The following ARL6IP1 variants were observed in gnomAD, a reference collection of about 807,000 sequenced individuals.
ARL6IP1 encodes ARL6 interacting reticulophagy regulator 1.
ARL6IP1 carries 16 observed loss-of-function variants against 30.1 expected under a neutral mutation model. The ratio of observed to expected loss-of-function variants is 0.53; its 90% CI spans 0.36 to 0.81. ARL6IP1 has a LOEUF of 0.81. Among genes scored for constraint, ARL6IP1 ranks in the 30% least tolerant of loss-of-function variants. The pLI, the probability that ARL6IP1 is intolerant of heterozygous loss-of-function variation, is 0.01. For missense variants in ARL6IP1, 173 were observed against 242.7 expected (o/e 0.71, Z 1.91); for synonymous variants, 72 against 84.8 (o/e 0.85, Z 0.83).
Position 18,794,610 on chromosome 16 carries a change from G to A in ARL6IP1, c.482C>T (p.Thr161Ile). The change falls in exon 5 of 6, where the codon ACC becomes ATC. Residue 161 changes from threonine (T) to isoleucine (I), a missense_variant. Physicochemically the swap from Thr to Ile is moderately conservative, Grantham distance 89. Coordinates refer to ENST00000304414, the MANE Select transcript of ARL6IP1 (RefSeq NM_015161.3). Reference protein sequence around the residue: ...VGQQVHNLLLTYLIVTSLLLL... With the variant: ...VGQQVHNLLLIYLIVTSLLLL... The stretch of plus-strand genomic sequence containing the variant: ...CCTCAAAGACTTACCTATCAGGTAG[G>A]TGAGAAGCAGGTTGTGGACTTGTTG... The A allele has an allele frequency of 6.2e-7, 1 of 1,613,174 alleles. No individual in the cohort carries two copies. Among genetic ancestry groups the A allele is most frequent in the South Asian group, 1.1e-5 (1 of 91,024 alleles).
In ARL6IP1 at chr16:18,791,946, T is replaced by C. The variant is rs1596942066; in HGVS notation, c.*1306A>G. ...AACACTTATTTAATAGGGACAGATA[T>C]ACCACAAGGTACAACATCAGTGCAA... On this transcript the variant is annotated 3_prime_UTR_variant, in exon 6 of 6. Transcript: ENST00000304414. 6.5e-6 allele frequency: 1 copy of C among 152,780 alleles called. No individual in the cohort carries two copies. The highest frequency in any genetic ancestry group is 1.5e-5 in the Non-Finnish European group (1 of 68,034). 9.5% of individuals were successfully genotyped at this position (152,780 alleles called of 1,614,324 possible).
chr16:18,801,138 C>T, intron 1 of ARL6IP1: 1 of 1,336,324 alleles, frequency 7.5e-7, no homozygotes, highest in Non-Finnish European at 9.6e-7. Context: ...CTTCTGCCCC[C>T]ACCCGCACCC....
intron 3 of ARL6IP1, among the ~76,000 whole-genome samples, chr16:18,796,962 T>A (rs972866434): frequency 6.6e-6 from 1 of 152,182 alleles, no homozygotes; most frequent in African/African-American, 2.4e-5. Context: ...GAAGAAAATA[T>A]CTATTCCAAC....
rs748647898 is a variant in ARL6IP1 at position 18,798,008 on chromosome 16, G to A, written c.207C>T (p.Gly69=). Residue 69 remains glycine, a synonymous_variant, in exon 3 of 6, where the codon GGC becomes GGT. Coordinates refer to ENST00000304414, the MANE Select transcript of ARL6IP1 (RefSeq NM_015161.3). ...IYYLDPSVLS[G]VSCFVMFLCL... ...ACAAAAACATAACAAAACAGGAAAC[G>A]CCGGACAGAACAGATGGATCTAGAT... 19 of 1,613,480 alleles carry A rather than the reference G, an allele frequency of 1.2e-5. No homozygotes were observed. The highest frequency in any genetic ancestry group is 2.2e-5 in the East Asian group (1 of 44,844).
chr16:18,794,785 G>A, intron 4 of ARL6IP1, 102 bp from the exon 5 acceptor site: 3 of 796,028 alleles, frequency 3.8e-6, no homozygotes, highest in South Asian at 2.0e-5. Flanking sequence ...TCAAAGTTCG[G>A]GAAATAATTT....
chr16:18,798,453 AGAG>A (rs2030309591), intron 2 of ARL6IP1: 4 of 426,066 alleles, frequency 9.4e-6, no homozygotes, highest in African/African-American at 8.1e-5. Context: ...TAACAAAAAA[AGAG>A]TTTAAGTGTC....
In ARL6IP1 at chr16:18,798,788, T is replaced by A; in HGVS notation, c.83A>T (p.Glu28Val). ...GACTTTATCAGCCATCAGCATCACTTCTCCCCATCCTTGCAGCTGTTCTTC... is the reference window on the plus strand; with the variant it reads ...GACTTTATCAGCCATCAGCATCACTACTCCCCATCCTTGCAGCTGTTCTTC... ...SLEEQLQGWG[E>V]VMLMADKVLR... is the part of the protein sequence containing the mutation. The change falls in exon 2 of 6, where the codon GAA becomes GTA. Residue 28 changes from glutamate (E) to valine (V), a missense_variant. Glu to Val is a moderately radical substitution (Grantham distance 121). Coordinates refer to ENST00000304414, the MANE Select transcript of ARL6IP1 (RefSeq NM_015161.3). 1 of 1,614,132 alleles carries A rather than the reference T, an allele frequency of 6.2e-7. No homozygotes were observed. Among genetic ancestry groups the A allele is most frequent in the African/African-American group, 1.3e-5 (1 of 75,044 alleles).
intron 1 of ARL6IP1, among the ~76,000 whole-genome samples, chr16:18,800,901 A>C (rs967444378): frequency 1.3e-5 from 2 of 150,988 alleles, no homozygotes; most frequent in African/African-American, 4.9e-5. Flanking sequence ...TTGTCTGTTC[A>C]GCTGGACCCC....
intron 5 of ARL6IP1, among the ~76,000 whole-genome samples, chr16:18,794,028 T>C (rs2030155538): frequency 6.6e-6 from 1 of 152,166 alleles, no homozygotes. Context: ...CTCAGCTCAC[T>C]GTAACCTCCA....
chr16:18,793,508 C>G (rs372023466), intron 5 of ARL6IP1, 138 bp from the exon 6 acceptor site: 4 of 527,150 alleles, frequency 7.6e-6, no homozygotes, highest in African/African-American at 2.0e-5. Context: ...CTTGGCTCAC[C>G]GCAACCTCCG....
Position 18,794,597 on chromosome 16 carries a change from AC to A in ARL6IP1, c.493+1del, listed in dbSNP as rs1188590544. On this transcript the variant is annotated splice_donor_variant, in intron 5 of 5. Coordinates refer to ENST00000304414, the MANE Select transcript of ARL6IP1 (RefSeq NM_015161.3). LOFTEE classifies it high-confidence loss of function. ...GCCTGTAGTTTTTCCTCAAAGACTT[AC>A]CTATCAGGTAGGTGAGAAGCAGGTT... 2 of 1,611,846 alleles carry A rather than the reference AC, an allele frequency of 1.2e-6. No homozygotes were observed. Among genetic ancestry groups the A allele is most frequent in the Non-Finnish European group, 1.7e-6 (2 of 1,178,564 alleles).
At chr16:18,798,082 CATT>C in intron 2 of ARL6IP1, 38 bp from the exon 3 acceptor site, 2 of 1,530,378 alleles carry the variant, frequency 1.3e-6, no homozygotes, top group Non-Finnish European at 8.8e-7. Flanking sequence ...AAAACATAGT[CATT>C]ATTATTCCTA....
intron 5 of ARL6IP1, 119 bp downstream of exon 5, chr16:18,794,480 T>A (rs567620869): frequency 1.5e-6 from 1 of 646,298 alleles, no homozygotes; most frequent in African/African-American, 1.8e-5. Flanking sequence ...AATCTTTCCA[T>A]ATTCCCACAG....
In ARL6IP1 at chr16:18,797,926, A is replaced by G; in HGVS notation, c.289T>C (p.Trp97Arg). 1.2e-6 allele frequency: 2 copies of G among 1,610,320 alleles called. No homozygotes were observed. Among genetic ancestry groups the G allele is most frequent in the Non-Finnish European group, 1.7e-6 (2 of 1,179,024 alleles). The change falls in exon 3 of 6, where the codon TGG (tryptophan) becomes CGG (arginine). Residue 97 changes from tryptophan (W) to arginine (R), a missense_variant and splice_region_variant. Physicochemically the swap from Trp to Arg is moderately radical, Grantham distance 101. Transcript: ENST00000304414. ...CTGCCAAATCATTATGCTACCTACC[A>G]TTTATTGGAGCCAAAAATTCTAGGC... ...LAPRIFGSNKWTTEQQQRFHE... is the reference protein window; with the variant it reads ...LAPRIFGSNKRTTEQQQRFHE...
chr16:18,801,533 C>G lies in ARL6IP1; in HGVS notation c.-67G>C. 1 of 1,582,402 alleles carries G rather than the reference C, an allele frequency of 6.3e-7. No individual in the cohort carries two copies. The highest frequency in any genetic ancestry group is 8.6e-7 in the Non-Finnish European group (1 of 1,164,906). The stretch of plus-strand genomic sequence containing the variant: ...CAACGAGTCCTCCAACCGAAACCCG[C>G]ACACCAACCACAACCCGAGGGAACG... On this transcript the variant is annotated 5_prime_UTR_variant, in exon 1 of 6. Coordinates refer to ENST00000304414, the MANE Select transcript of ARL6IP1 (RefSeq NM_015161.3).
intron 3 of ARL6IP1, among the ~76,000 whole-genome samples, 154 bp from the exon 4 acceptor site, chr16:18,795,735 T>G (rs1462074044): frequency 6.6e-6 from 1 of 152,186 alleles, no homozygotes; most frequent in Non-Finnish European, 1.5e-5. Context: ...CCTTCCACCA[T>G]TAAGACACCT....
At chr16:18,797,237 TAGCC>T (rs2030262568) in intron 3 of ARL6IP1, among the ~76,000 whole-genome samples, 1 of 148,632 alleles carries the variant, frequency 6.7e-6, no homozygotes, top group Non-Finnish European at 1.5e-5. Context: ...AAAAAAAAAT[TAGCC>T]AGGTGTGGTG....
chr16:18,798,183 G>T, intron 2 of ARL6IP1, 139 bp from the exon 3 acceptor site: 1 of 822,078 alleles, frequency 1.2e-6, no homozygotes, highest in Non-Finnish European at 1.8e-6. Flanking sequence ...TCTCACAAGT[G>T]GCTTTCCAGA....
At chr16:18,797,407 G>GT (rs1555479722) in intron 3 of ARL6IP1, among the ~76,000 whole-genome samples, 2 of 151,354 alleles carry the variant, frequency 1.3e-5, no homozygotes, top group Non-Finnish European at 2.9e-5. Flanking sequence ...AAAGAGAATG[G>GT]TATAAATAAA....
Sources: gnomAD v4.1 joint callset for allele counts (sites outside exome capture counted in the v4.1 genomes callset) on GRCh38, gnomAD v4.1.1 for gene constraint, MANE v1.5 for transcripts, NCBI Gene and HGNC (gene_info 2026-07-23, HGNC 2026-07-21) for gene names.